The following HLCS variants were observed in gnomAD, a reference collection of about 807,000 sequenced individuals.
The protein encoded by HLCS is holocarboxylase synthetase.
Under a neutral mutation model 75.0 loss-of-function variants are expected in HLCS, and 53 were observed. The observed-to-expected ratio is 0.71, with a 90% CI of 0.57 to 0.89. HLCS has a LOEUF of 0.89. Among genes scored for constraint, HLCS ranks in the 40% least tolerant of loss-of-function variants. The pLI is 0.00. For synonymous variants in HLCS, 431 were observed against 428.6 expected (o/e 1.01, Z -0.07); for missense variants, 966 against 1,074.0 (o/e 0.90, Z 1.41).
rs942703722 is a variant in HLCS at position 36,752,087 on chromosome 21, A to C, written c.*2159T>G. 3.3e-5 allele frequency: 5 copies of C among 152,654 alleles called. No individual in the cohort carries two copies. The highest frequency in any genetic ancestry group is 1.2e-4 in the African/African-American group (5 of 41,458). 9.5% of individuals were successfully genotyped at this position (152,654 alleles called of 1,614,324 possible). A position where few individuals can be genotyped will look rare whatever the true frequency, so the allele number is the denominator to read the frequency against. On this transcript the variant is annotated 3_prime_UTR_variant, in exon 11 of 11. Coordinates refer to ENST00000674895, the MANE Select transcript of HLCS (RefSeq NM_001352514.2). Reference sequence around the variant, plus strand: ...GCCTTTATTCAGCTAATTCTATAGAAGCGGAGTTTTGAGAGTCTTTGGTTC... The same window carrying C: ...GCCTTTATTCAGCTAATTCTATAGACGCGGAGTTTTGAGAGTCTTTGGTTC...
Position 36,936,881 on chromosome 21 carries a change from G to T in HLCS, c.1005C>A (p.Asp335Glu), listed in dbSNP as rs1601803544. ...GAATATAACTGTCAATGTCCACACA[G>T]TCGGCCAGCACAGACCGGACCTCGT... ...RFHEVRSVLA[D>E]CVDIDSYILY... Residue 335 changes from aspartate to glutamate, a missense_variant, in exon 4 of 11, where the codon GAC (aspartate) becomes GAA (glutamate). By Grantham distance (45) the Asp-to-Glu change is conservative (BLOSUM62 2). Coordinates refer to ENST00000674895, the MANE Select transcript of HLCS (RefSeq NM_001352514.2). 3 of 1,614,160 alleles carry T rather than the reference G, an allele frequency of 1.9e-6. No homozygotes were observed. In the East Asian group the frequency reaches 6.7e-5, roughly 36 times the overall value.
intron 5 of HLCS, among the ~76,000 whole-genome samples, chr21:36,899,049 A>G (rs976918240): frequency 4.6e-5 from 7 of 152,174 alleles, no homozygotes; most frequent in African/African-American, 1.7e-4. Context: ...TGACAGAACC[A>G]AACCCTGTCT....
intron 6 of HLCS, among the ~76,000 whole-genome samples, chr21:36,838,084 T>C (rs1270909398): frequency 6.6e-6 from 1 of 152,146 alleles, no homozygotes; most frequent in African/African-American, 2.4e-5. Context: ...ATCCCATTTT[T>C]GGTTGACTAG....
chr21:36,961,435 C>T (rs2068284792), intron 2 of HLCS, among the ~76,000 whole-genome samples: 1 of 152,090 alleles, frequency 6.6e-6, no homozygotes, highest in African/African-American at 2.4e-5. Flanking sequence ...GAGGTAGGAT[C>T]CCTGGAGCCC....
intron 6 of HLCS, among the ~76,000 whole-genome samples, chr21:36,808,968 C>T (rs183825031): frequency 1.6e-3 from 237 of 152,184 alleles, no homozygotes; most frequent in Non-Finnish European, 2.6e-3. Context: ...AATCCCAGCA[C>T]TTTGGGAGGC....
chr21:36,752,350 G>C lies in HLCS; in HGVS notation c.*1896C>G, dbSNP rs1376714545. ...TCCCAAAGCAGAGTGTCCAGAATAG[G>C]ACTTCAGCTTAAAACAAAACATAGC... On this transcript the variant is annotated 3_prime_UTR_variant, in exon 11 of 11. Coordinates refer to ENST00000674895, the MANE Select transcript of HLCS (RefSeq NM_001352514.2). 6.6e-6 allele frequency: 1 copy of C among 152,532 alleles called. No homozygotes were observed. The highest frequency in any genetic ancestry group is 1.5e-5 in the Non-Finnish European group (1 of 68,028). 9.4% of individuals were successfully genotyped at this position (152,532 alleles called of 1,614,324 possible).
chr21:36,852,087 T>G (rs1423015719), intron 6 of HLCS: 1 of 152,172 alleles, frequency 6.6e-6, no homozygotes, highest in Non-Finnish European at 1.5e-5. Context: ...AGATTATAAG[T>G]CAAAGTGCCA....
intron 2 of HLCS, chr21:36,947,950 TAGTA>T: frequency 3.0e-6 from 3 of 985,330 alleles, no homozygotes; most frequent in Non-Finnish European, 3.6e-6. Flanking sequence ...TAAAAAGCTC[TAGTA>T]ACAAATTGGA....
At chr21:36,959,180 C>T (rs1369801426) in intron 2 of HLCS, among the ~76,000 whole-genome samples, 6 of 152,226 alleles carry the variant, frequency 3.9e-5, no homozygotes, top group African/African-American at 7.2e-5. Flanking sequence ...TGCCTGATCC[C>T]GCTGCCTGGC....
In HLCS at chr21:36,768,949, C is replaced by T. The variant is rs74395388; in HGVS notation, c.1893-1664G>A. 2.8e-3 allele frequency among the ~76,000 whole-genome samples: 429 copies of T among 152,020 alleles called. 1 individual carries two copies. The highest frequency in any genetic ancestry group is 0.01 in the African/African-American group (422 of 41,460). On this transcript the variant is annotated intron_variant, in intron 6 of 10. Transcript: ENST00000674895. ...CTGGCTTCCTAAGGCCCAGGGCTCT[C>T]GAGGTGATGGGGCAGGGGCCGAGGG...
At chr21:36,896,434 T>G in intron 6 of HLCS, 1 of 227,750 alleles carries the variant, frequency 4.4e-6, no homozygotes, top group Non-Finnish European at 8.7e-6. Context: ...CTTTTTCAAT[T>G]TACACAGCTT....
chr21:36,760,846 T>C lies in HLCS; in HGVS notation c.2122-1005A>G, dbSNP rs2089811123. Reference sequence around the variant, plus strand: ...ACAAGGCCACCCAGGCCTCTGCCTATCCACTGTGACTCTGAAGTTGGGACA... The same window carrying C: ...ACAAGGCCACCCAGGCCTCTGCCTACCCACTGTGACTCTGAAGTTGGGACA... On this transcript the variant is annotated intron_variant, in intron 8 of 10. Transcript: ENST00000674895. Among the ~76,000 whole-genome samples, 4 of 152,292 alleles carry C rather than the reference T, an allele frequency of 2.6e-5. No individual in the cohort carries two copies. The South Asian group carries it at 6.2e-4, about 24-fold the overall frequency.
Position 36,908,228 on chromosome 21 carries a change from T to TA in HLCS, c.1621-11098dup, listed in dbSNP as rs541725804. On this transcript the variant is annotated intron_variant, in intron 5 of 10. Transcript: ENST00000674895. ...AGTGACACCCAGTCTCTACAAAAAA[T>TA]AAAAAAACAAAACTAGTCAAGAGTG... Among the ~76,000 whole-genome samples the TA allele has an allele frequency of 1.7e-3, 263 of 150,950 alleles. 1 individual carries two copies. Among genetic ancestry groups the TA allele is most frequent in the Middle Eastern group, 6.8e-3 (2 of 292 alleles).
At chr21:36,948,600 A>T (rs937085173) in intron 2 of HLCS, among the ~76,000 whole-genome samples, 4 of 150,760 alleles carry the variant, frequency 2.7e-5, no homozygotes, top group African/African-American at 9.9e-5. Context: ...GTGGTGGCAC[A>T]CGCCTGTATT....
At chr21:36,778,156 A>G (rs1180565568) in intron 6 of HLCS, among the ~76,000 whole-genome samples, 3 of 151,844 alleles carry the variant, frequency 2.0e-5, no homozygotes, top group Non-Finnish European at 4.4e-5. Flanking sequence ...TTTTTAGTAG[A>G]GATGGGGTTT....
At chr21:36,772,039 T>C (rs1181226693) in intron 6 of HLCS, among the ~76,000 whole-genome samples, 5 of 151,510 alleles carry the variant, frequency 3.3e-5, no homozygotes, top group African/African-American at 1.2e-4. Flanking sequence ...ACCAAAATAA[T>C]AGCTGCAGTT....
chr21:36,961,866 A>C (rs1276069930), intron 2 of HLCS, among the ~76,000 whole-genome samples, 170 bp downstream of exon 2: 3 of 151,616 alleles, frequency 2.0e-5, no homozygotes, highest in Non-Finnish European at 4.4e-5. Context: ...AGGCATGAGA[A>C]TCACTTGAAC....
chr21:36,952,789 CAAAAAAA>C (rs35700333), intron 2 of HLCS, among the ~76,000 whole-genome samples: 3 of 48,870 alleles, frequency 6.1e-5, no homozygotes, highest in South Asian at 7.2e-4. Flanking sequence ...GACTCCGTCT[CAAAAAAA>C]AAAAAAAAAA....
intron 4 of HLCS, among the ~76,000 whole-genome samples, chr21:36,934,679 G>GCAGCTGTGTTCTGCC (rs1197388253): frequency 6.6e-6 from 1 of 152,196 alleles, no homozygotes; most frequent in African/African-American, 2.4e-5. Flanking sequence ...TGCCTAGGGT[G>GCAGCTGTGTTCTGCC]CAGCTGTGTT....
Sources: allele counts gnomAD v4.1 joint callset (sites outside exome capture counted in the v4.1 genomes callset), GRCh38; gene constraint gnomAD v4.1.1; transcripts MANE v1.5; gene names NCBI Gene and HGNC (gene_info 2026-07-23, HGNC 2026-07-21).